Variants in NFATC4 observed in about 807,000 individuals in gnomAD.
The protein encoded by NFATC4 is nuclear factor of activated T-cells, cytoplasmic 4.
Under a neutral mutation model 73.4 loss-of-function variants are expected in NFATC4, and 25 were observed. That is an observed-to-expected ratio of 0.34 (90% CI 0.25 to 0.48). NFATC4 has a LOEUF of 0.48. NFATC4 is among the 20% of genes least tolerant of loss of function. The pLI, the probability that NFATC4 is intolerant of heterozygous loss-of-function variation, is 0.99. For synonymous variants in NFATC4, 523 were observed against 510.3 expected (o/e 1.02, Z -0.34); for missense variants, 1,130 against 1,203.7 (o/e 0.94, Z 0.91).
rs1172599399 is a variant in NFATC4, at chr14:24,373,067, T to C, written c.1360-104T>C. On this transcript the variant is annotated intron_variant, in intron 3 of 9. Coordinates refer to ENST00000250373, the MANE Select transcript of NFATC4 (RefSeq NM_004554.5). The surrounding 1 kb of genome is among the most constrained non-coding windows in gnomAD (Gnocchi z 4.7). ...AGGGATTCCCTTGCAGGATATCCTT[T>C]ATCTTTCACCATTCCCATCCCATGG... is the stretch of plus-strand genomic sequence containing the variant. The C allele has an allele frequency of 6.8e-6, 8 of 1,173,778 alleles. No homozygotes were observed. Among genetic ancestry groups the C allele is most frequent in the South Asian group, 4.4e-5 (3 of 68,726 alleles). 72.7% of individuals were successfully genotyped at this position (1,173,778 alleles called of 1,614,324 possible).
In NFATC4 at chr14:24,374,416, G is replaced by C; in HGVS notation, c.1823G>C (p.Gly608Ala). The C allele has an allele frequency of 6.2e-7, 1 of 1,613,982 alleles. No homozygotes were observed. Among genetic ancestry groups the C allele is most frequent in the East Asian group, 2.2e-5 (1 of 44,886 alleles). Residue 608 changes from glycine to alanine, a missense_variant, in exon 6 of 10, where the codon GGC becomes GCC. Coordinates refer to ENST00000250373, the MANE Select transcript of NFATC4 (RefSeq NM_004554.5). ...GGAGGCGAGGAACTGGTACTGACTG[G>C]CTCCAACTTCCTGCCAGACTCCAAG... ...VRGGEELVLT[G>A]SNFLPDSKVV...
Position 24,376,078 on chromosome 14 carries a change from C to T in NFATC4, c.2033C>T (p.Thr678Ile), listed in dbSNP as rs374713704. 94 of 1,613,910 alleles carry T rather than the reference C, an allele frequency of 5.8e-5. No homozygotes were observed. Among genetic ancestry groups the T allele is most frequent in the Non-Finnish European group, 7.5e-5 (88 of 1,179,970 alleles). Residue 678 changes from threonine (T) to isoleucine (I), a missense_variant, in exon 8 of 10, where the codon ACC (threonine) becomes ATC (isoleucine). Thr to Ile is a moderately conservative substitution (Grantham distance 89). This residue lies in a region of NFATC4 where 390 missense variants were observed against 408.1 expected (regional missense o/e 0.96). Coordinates refer to ENST00000250373, the MANE Select transcript of NFATC4 (RefSeq NM_004554.5). The surrounding 1 kb of genome is among the most constrained non-coding windows in gnomAD (Gnocchi z 5.0). ...AATGGGCGGAGGAAACGCAGTCCTA[C>T]CCAGAGTTTCAGGTTTCTGCCTGGT... The part of the protein sequence containing the change: ...VSNGRRKRSP[T>I]QSFRFLPVIC...
chr14:24,369,197 G>C, intron 1 of NFATC4: 2 of 1,519,720 alleles, frequency 1.3e-6, no homozygotes, highest in Non-Finnish European at 1.8e-6. Flanking sequence ...CAAGAAACAC[G>C]CCTCCAGGCC....
At chr14:24,368,504 G>A in intron 1 of NFATC4, 64 bp downstream of exon 1, 1 of 1,246,220 alleles carries the variant, frequency 8.0e-7, no homozygotes, top group Non-Finnish European at 1.0e-6. Flanking sequence ...TCCTGAGTCT[G>A]GGGAATTTAA....
At chr14:24,369,198 C>T in intron 1 of NFATC4, 2 of 1,523,436 alleles carry the variant, frequency 1.3e-6, no homozygotes. Flanking sequence ...AAGAAACACG[C>T]CTCCAGGCCC....
chr14:24,370,582 G>T lies in NFATC4; in HGVS notation c.1184G>T (p.Ser395Ile). The change falls in exon 2 of 10, where the codon AGC becomes ATC. Residue 395 changes from serine to isoleucine, a missense_variant. Transcript: ENST00000250373. ...AWSKARIGGH[S>I]PIFRTSALPP... ...TCCAAGGCCCGGATTGGGGGACACA[G>T]CCCTATCTTCAGGTGAGGGTTGCGC... 1 of 1,608,186 alleles carries T rather than the reference G, an allele frequency of 6.2e-7. No individual in the cohort carries two copies.
Position 24,376,154 on chromosome 14 carries a change from C to T in NFATC4, c.2056+53C>T. The T allele has an allele frequency of 3.1e-6, 5 of 1,611,890 alleles. No individual in the cohort carries two copies. The Admixed American group carries it at 6.7e-5, about 22-fold the overall frequency. On this transcript the variant is annotated intron_variant, in intron 8 of 9. Coordinates refer to ENST00000250373, the MANE Select transcript of NFATC4 (RefSeq NM_004554.5). The surrounding 1 kb of genome is among the most constrained non-coding windows in gnomAD (Gnocchi z 5.0). ...GGTATAGGGATATGGGGAGCTGGAG[C>T]AGGAGCAGAGGGAAGCAGTACTCAT...
At position 24,377,789 on chromosome 14, in the gene NFATC4, A is replaced by G; in HGVS notation, c.*84A>G. The G allele has an allele frequency of 1.2e-6, 2 of 1,607,676 alleles. No homozygotes were observed. The highest frequency in any genetic ancestry group is 1.7e-6 in the Non-Finnish European group (2 of 1,176,296). On this transcript the variant is annotated 3_prime_UTR_variant, in exon 10 of 10. Coordinates refer to ENST00000250373, the MANE Select transcript of NFATC4 (RefSeq NM_004554.5). The surrounding 1 kb of genome is among the most constrained non-coding windows in gnomAD (Gnocchi z 4.2). ...CCCTCCTTCCTGGAGTGGTGGCTAC[A>G]GAAGCTTGGGGCCAACCCTGGCTCC...
chr14:24,367,698 G>A (rs1378223639), upstream of NFATC4: 1 of 1,529,176 alleles, frequency 6.5e-7, no homozygotes, highest in African/African-American at 1.4e-5. Context: ...CGAGCAACTC[G>A]GTGCCACTCT....
chr14:24,367,588 TGGCTGATGGA>T, upstream of NFATC4: 1 of 1,536,022 alleles, frequency 6.5e-7, no homozygotes, highest in Non-Finnish European at 8.7e-7. Context: ...CCTGGAGGAA[TGGCTGATGGA>T]GGCGCTGATT....
Position 24,370,447 on chromosome 14 carries a change from G to A in NFATC4, c.1049G>A (p.Cys350Tyr). 1 of 1,614,176 alleles carries A rather than the reference G, an allele frequency of 6.2e-7. No individual in the cohort carries two copies. Among genetic ancestry groups the A allele is most frequent in the Non-Finnish European group, 8.5e-7 (1 of 1,180,032 alleles). The change falls in exon 2 of 10, where the codon TGC becomes TAC. Residue 350 changes from cysteine to tyrosine, a missense_variant. Physicochemically the swap from Cys to Tyr is radical, Grantham distance 194. Coordinates refer to ENST00000250373, the MANE Select transcript of NFATC4 (RefSeq NM_004554.5). ...CCTCGGTCTGAGGAGCCTGCCTCATGCAATGGGAAGCTGCCCTTGGGAGCA... is the reference window on the plus strand; with the variant it reads ...CCTCGGTCTGAGGAGCCTGCCTCATACAATGGGAAGCTGCCCTTGGGAGCA... ...ALPRSEEPAS[C>Y]NGKLPLGAEE...
At chr14:24,369,264 C>A in intron 1 of NFATC4, 2 of 1,541,712 alleles carry the variant, frequency 1.3e-6, no homozygotes, top group Non-Finnish European at 1.7e-6. Flanking sequence ...CCCACTGGAT[C>A]GGGTACCCTC....
Position 24,377,493 on chromosome 14 carries a change from T to C in NFATC4, c.2642-145T>C. The C allele has an allele frequency of 1.4e-6, 2 of 1,466,508 alleles. No individual in the cohort carries two copies. The highest frequency in any genetic ancestry group is 1.8e-6 in the Non-Finnish European group (2 of 1,112,082). The allele number at this position is 1,466,508 out of a possible 1,614,324, so 90.8% of individuals were successfully genotyped here. On this transcript the variant is annotated intron_variant, in intron 9 of 9. Coordinates refer to ENST00000250373, the MANE Select transcript of NFATC4 (RefSeq NM_004554.5). The surrounding 1 kb of genome is among the most constrained non-coding windows in gnomAD (Gnocchi z 4.2). The stretch of plus-strand genomic sequence containing the variant: ...AGGTGTCAAGACGTGTTGGGGAAAC[T>C]GAGGCCCAGTGGAATAGAAGCCAGT...
chr14:24,375,323 C>T (rs2042582540), intron 6 of NFATC4, among the ~76,000 whole-genome samples: 1 of 152,134 alleles, frequency 6.6e-6, no homozygotes, highest in Admixed American at 6.5e-5. Context: ...CCCTTTCCTA[C>T]CTTTGGTCTT....
upstream of NFATC4, chr14:24,367,105 C>T (rs1467823218): frequency 1.2e-6 from 2 of 1,613,854 alleles, no homozygotes; most frequent in Non-Finnish European, 1.7e-6. Context: ...CCAGTATCTC[C>T]CACCGAGTCA....
rs199509177 is a variant in NFATC4 at position 24,375,964 on chromosome 14, C to T, written c.1930-11C>T. The T allele has an allele frequency of 6.6e-5, 106 of 1,613,724 alleles. 1 individual carries two copies. Among genetic ancestry groups the T allele is most frequent in the Non-Finnish European group, 2.3e-5 (27 of 1,179,926 alleles). On this transcript the variant is annotated splice_polypyrimidine_tract_variant and intron_variant, in intron 7 of 9. Transcript: ENST00000250373. ...CCGAGGGCTCCCTGCCTCATTTTTA[C>T]TCTTCCCTAGGTGACGCTGACCCTG...
chr14:24,368,531 T>A (rs1415743608), intron 1 of NFATC4, 91 bp downstream of exon 1: 2 of 860,060 alleles, frequency 2.3e-6, no homozygotes, highest in African/African-American at 2.5e-5. Context: ...GAGCCTAGGG[T>A]GGGGGGTGAG....
At position 24,368,409 on chromosome 14, in the gene NFATC4, C is replaced by A. The variant is rs760982551; in HGVS notation, c.69C>A (p.Ala23=). The change falls in exon 1 of 10, where the codon GCC becomes GCA. Residue 23 remains alanine (A), a synonymous_variant. Coordinates refer to ENST00000250373, the MANE Select transcript of NFATC4 (RefSeq NM_004554.5). ...FKLVFGEEKE[A]PPLGAGGLGE... ...TGGTGTTCGGGGAGGAAAAGGAGGC[C>A]CCCCCGCTGGGCGCGGGGGGATTGG... The A allele has an allele frequency of 7.4e-7, 1 of 1,348,568 alleles. No homozygotes were observed. Among genetic ancestry groups the A allele is most frequent in the Non-Finnish European group, 9.5e-7 (1 of 1,048,256 alleles). 83.5% of individuals were successfully genotyped at this position (1,348,568 alleles called of 1,614,324 possible).
intron 2 of NFATC4, 113 bp downstream of exon 2, chr14:24,370,707 G>C (rs1360564512): frequency 7.1e-6 from 10 of 1,409,860 alleles, no homozygotes; most frequent in Non-Finnish European, 8.5e-6. Context: ...TTTCAAAAGA[G>C]TATCTGCAAC....
Sources: gnomAD v4.1 joint callset for allele counts (sites outside exome capture counted in the v4.1 genomes callset) on GRCh38, gnomAD v4.1.1 for gene constraint, gnomAD v4.1.1 regional missense constraint, Gnocchi (gnomAD v3.1) non-coding constraint, MANE v1.5 for transcripts, NCBI Gene and HGNC (gene_info 2026-07-23, HGNC 2026-07-21) for gene names.